TIAM1: variants seen among roughly 807,000 people sequenced by gnomAD.
TIAM1 encodes TIAM Rac1 associated GEF 1, also known as rho guanine nucleotide exchange factor TIAM1.
TIAM1 carries 65 observed loss-of-function variants against 163.5 expected under a neutral mutation model. The ratio of observed to expected loss-of-function variants is 0.40; its 90% confidence interval spans 0.33 to 0.49. The LOEUF is 0.49. Ranked by LOEUF, TIAM1 falls within the 20% of genes least tolerant of loss-of-function variation. The probability of loss-of-function intolerance (pLI) is 0.77; values close to 1 mark genes in which losing one functional copy is unlikely to be tolerated. For synonymous variants in TIAM1, 833 were observed against 810.1 expected (o/e 1.03, Z -0.48); for missense variants, 1,789 against 2,044.7 (o/e 0.87, Z 2.41).
intron 4 of TIAM1, among the ~76,000 whole-genome samples, chr21:31,260,427 G>A (rs1026154886): frequency 4.0e-5 from 6 of 150,856 alleles, no homozygotes; most frequent in Non-Finnish European, 7.4e-5. Context: ...TAGTAGAGAC[G>A]GGGGTTTCAC....
chr21:31,263,049 T>C (rs539391702), intron 4 of TIAM1, among the ~76,000 whole-genome samples: 6 of 152,250 alleles, frequency 3.9e-5, no homozygotes, highest in Non-Finnish European at 7.4e-5. Flanking sequence ...AGAAATAGCG[T>C]TGGATGAACA....
chr21:31,424,990 T>C (rs1179452718), intron 2 of TIAM1, among the ~76,000 whole-genome samples: 1 of 151,238 alleles, frequency 6.6e-6, no homozygotes, highest in Non-Finnish European at 1.5e-5. Context: ...GAGGCAGAGG[T>C]TGCAGTGAGC....
chr21:31,324,297 G>C (rs545839358), intron 2 of TIAM1, among the ~76,000 whole-genome samples: 1 of 152,126 alleles, frequency 6.6e-6, no homozygotes, highest in South Asian at 2.1e-4. Context: ...AGGTTGCAGT[G>C]AGCTTAGATG....
At chr21:31,316,835 T>C (rs1393607227) in intron 2 of TIAM1, among the ~76,000 whole-genome samples, 1 of 152,128 alleles carries the variant, frequency 6.6e-6, no homozygotes, top group African/African-American at 2.4e-5. Flanking sequence ...GAAGTCAAGG[T>C]TGGACCACCG....
chr21:31,393,010 C>A (rs553921), intron 2 of TIAM1, among the ~76,000 whole-genome samples: 41,981 of 149,956 alleles, frequency 0.28, 5,980 homozygotes, highest in Admixed American at 0.34. Context: ...GGCTAGAGTG[C>A]AGTGGTGCGA....
At chr21:31,440,063 A>G (rs1209446620) in intron 2 of TIAM1, among the ~76,000 whole-genome samples, 1 of 152,124 alleles carries the variant, frequency 6.6e-6, no homozygotes, top group Non-Finnish European at 1.5e-5. Context: ...AAAAAATAGT[A>G]CTCATACCTC....
At chr21:31,380,236 C>A (rs1164781615) in intron 2 of TIAM1, among the ~76,000 whole-genome samples, 1 of 152,018 alleles carries the variant, frequency 6.6e-6, no homozygotes, top group African/African-American at 2.4e-5. Context: ...CTAGCCTGAG[C>A]GAAATAGTGA....
chr21:31,412,804 AAAAAG>A (rs1432759655), intron 2 of TIAM1, among the ~76,000 whole-genome samples: 1 of 150,806 alleles, frequency 6.6e-6, no homozygotes, highest in Non-Finnish European at 1.5e-5. Context: ...AAAAAAAAAA[AAAAAG>A]GGAGCACGCA....
chr21:31,293,114 G>A lies in TIAM1; in HGVS notation c.-188-16206C>T, dbSNP rs140598313. Among the ~76,000 whole-genome samples the A allele has an allele frequency of 2.1e-3, 326 of 152,258 alleles. 2 individuals carry two copies. Among genetic ancestry groups the A allele is most frequent in the Admixed American group, 4.8e-3 (74 of 15,308 alleles). ...GTTGGGACTACAGGTGTGAGCCACC[G>A]TGCCCAGCCAAGATTTACTTTAAAG... On this transcript the variant is annotated intron_variant, in intron 2 of 27. Transcript: ENST00000541036.
chr21:31,262,733 A>G (rs896203103), intron 4 of TIAM1, among the ~76,000 whole-genome samples: 1 of 152,234 alleles, frequency 6.6e-6, no homozygotes, highest in African/African-American at 2.4e-5. Flanking sequence ...AGTTGTTCAC[A>G]TTATTTCAGA....
At chr21:31,496,479 A>T (rs2046648930) in intron 1 of TIAM1, among the ~76,000 whole-genome samples, 1 of 151,948 alleles carries the variant, frequency 6.6e-6, no homozygotes, top group African/African-American at 2.4e-5. Context: ...AAAAAAAAAA[A>T]AAAATGGAAA....
intron 2 of TIAM1, among the ~76,000 whole-genome samples, chr21:31,370,787 C>T (rs1253899513): frequency 6.6e-6 from 1 of 152,022 alleles, no homozygotes; most frequent in Non-Finnish European, 1.5e-5. Flanking sequence ...CCTTTTTGAT[C>T]CAATATTTAA....
intron 2 of TIAM1, among the ~76,000 whole-genome samples, chr21:31,436,515 T>C (rs1423156213): frequency 1.3e-5 from 2 of 151,996 alleles, no homozygotes; most frequent in Non-Finnish European, 2.9e-5. Context: ...TAATCCCAGC[T>C]ACTCAGGAGA....
intron 2 of TIAM1, among the ~76,000 whole-genome samples, chr21:31,377,502 T>C (rs1206528814): frequency 6.6e-6 from 1 of 152,152 alleles, no homozygotes; most frequent in East Asian, 1.9e-4. Flanking sequence ...ATCAGGACAC[T>C]ATGCTCCCCT....
rs141755427 is a variant in TIAM1, at chr21:31,437,795, C to A, written c.-369+26188G>T. Among the ~76,000 whole-genome samples the A allele has an allele frequency of 4.2e-3, 643 of 152,282 alleles. 2 individuals carry two copies. The highest frequency in any genetic ancestry group is 0.014 in the African/African-American group (562 of 41,544). ...GCCATGAAAGTAAGTTTCCCGAGAT[C>A]CCCCAGCCATGCTTCCAGTATAGCC... On this transcript the variant is annotated intron_variant, in intron 2 of 28. Coordinates refer to the TIAM1 transcript ENST00000286827.
intron 2 of TIAM1, among the ~76,000 whole-genome samples, chr21:31,387,310 C>T (rs1273519691): frequency 6.7e-6 from 1 of 148,460 alleles, no homozygotes; most frequent in African/African-American, 2.5e-5. Flanking sequence ...GCAACCTCTG[C>T]CTCCCAGGTT....
chr21:31,228,948 G>A (rs560893647), intron 6 of TIAM1, among the ~76,000 whole-genome samples: 6 of 152,292 alleles, frequency 3.9e-5, no homozygotes, highest in African/African-American at 1.4e-4. Context: ...ATCAGATCTA[G>A]TGAGAACTCA....
chr21:31,533,676 G>A (rs73345650), intron 1 of TIAM1, among the ~76,000 whole-genome samples: 2,096 of 152,224 alleles, frequency 0.014, 48 homozygotes, highest in African/African-American at 0.048. Flanking sequence ...GAGGCTGCAC[G>A]AGCTGTGTTC....
chr21:31,452,629 T>A, intron 2 of TIAM1: 1 of 496,516 alleles, frequency 2.0e-6, no homozygotes, highest in East Asian at 4.4e-5. Flanking sequence ...AAAAGACTTA[T>A]CCATAATATT....
Sources: allele counts gnomAD v4.1 joint callset (sites outside exome capture counted in the v4.1 genomes callset), GRCh38; gene constraint gnomAD v4.1.1; transcripts MANE v1.5; gene names NCBI Gene and HGNC (gene_info 2026-07-23, HGNC 2026-07-21).